Variants in NARS1 observed in about 807,000 individuals in gnomAD.
NARS1 encodes the protein asparagine--tRNA ligase, cytoplasmic.
Under a neutral mutation model 79.2 loss-of-function variants are expected in NARS1, and 65 were observed. That is an observed-to-expected ratio of 0.82 (90% confidence interval 0.67 to 1.01). NARS1 has a LOEUF of 1.01. NARS1 is among the 50% of genes least tolerant of loss of function. The pLI is 0.00. For synonymous variants in NARS1, 229 were observed against 238.8 expected (o/e 0.96, Z 0.38); for missense variants, 649 against 673.8 (o/e 0.96, Z 0.41).
chr18:57,617,071 A>G (rs1411277638), intron 2 of NARS1, among the ~76,000 whole-genome samples: 2 of 151,912 alleles, frequency 1.3e-5, no homozygotes, highest in South Asian at 2.1e-4. Context: ...GCTGTGTTAT[A>G]TATCATTTGA....
chr18:57,604,991 CCTT>C (rs922095910), intron 11 of NARS1, among the ~76,000 whole-genome samples: 4 of 152,138 alleles, frequency 2.6e-5, no homozygotes, highest in African/African-American at 9.6e-5. Flanking sequence ...TTCTCCAAGA[CCTT>C]CTCTCTTGGT....
Position 57,611,288 on chromosome 18 carries a change from A to G in NARS1, c.492+349T>C, listed in dbSNP as rs372217981. 3.4e-4 allele frequency among the ~76,000 whole-genome samples: 51 copies of G among 152,230 alleles called. 1 individual carries two copies. In the East Asian group the frequency reaches 9.1e-3, roughly 27 times the overall value. The stretch of plus-strand genomic sequence containing the variant: ...GCCACATTATTTTTCTTAGAGATGC[A>G]TAAGCATGTGTAATTAAATAAAATG... On this transcript the variant is annotated intron_variant, in intron 6 of 13. Transcript: ENST00000256854.
chr18:57,621,774 T>G lies in NARS1; in HGVS notation c.-57A>C. The G allele has an allele frequency of 3.7e-6, 6 of 1,613,064 alleles. No individual in the cohort carries two copies. The South Asian group carries it at 5.5e-5, about 15-fold the overall frequency. On this transcript the variant is annotated 5_prime_UTR_variant, in exon 1 of 14. An upstream open reading frame in the 5' UTR loses its in-frame stop. Coordinates refer to ENST00000256854, the MANE Select transcript of NARS1 (RefSeq NM_004539.4). Reference sequence around the variant, plus strand: ...ACAGACTGCAACACCGACGCCGTCTTATGACTCCAACGTGCACCGGCGGTT... The same window carrying G: ...ACAGACTGCAACACCGACGCCGTCTGATGACTCCAACGTGCACCGGCGGTT...
Position 57,621,800 on chromosome 18 carries a change from T to C in NARS1, c.-83A>G. 1 of 1,601,204 alleles carries C rather than the reference T, an allele frequency of 6.2e-7. No individual in the cohort carries two copies. Among genetic ancestry groups the C allele is most frequent in the African/African-American group, 1.3e-5 (1 of 74,542 alleles). ...ATGACTCCAACGTGCACCGGCGGTT[T>C]CCGCGATTCCGGCGTTGCATCAGAG... On this transcript the variant is annotated 5_prime_UTR_variant, in exon 1 of 14. Transcript: ENST00000256854.
In NARS1 at chr18:57,621,795, C is replaced by A; in HGVS notation, c.-78G>T. On this transcript the variant is annotated 5_prime_UTR_variant, in exon 1 of 14. Coordinates refer to ENST00000256854, the MANE Select transcript of NARS1 (RefSeq NM_004539.4). ...GTCTTATGACTCCAACGTGCACCGG[C>A]GGTTTCCGCGATTCCGGCGTTGCAT... is the stretch of plus-strand genomic sequence containing the variant. The A allele has an allele frequency of 6.2e-7, 1 of 1,607,928 alleles. No individual in the cohort carries two copies. Among genetic ancestry groups the A allele is most frequent in the African/African-American group, 1.3e-5 (1 of 74,692 alleles).
At chr18:57,621,622 G>T in intron 1 of NARS1, 86 bp downstream of exon 1, 2 of 1,161,344 alleles carry the variant, frequency 1.7e-6, no homozygotes, top group Non-Finnish European at 2.6e-6. Context: ...ACTCTGGTAG[G>T]CACTAAGGAA....
chr18:57,615,790 G>A (rs372642450), intron 3 of NARS1, 27 bp downstream of exon 3: 7 of 1,610,438 alleles, frequency 4.3e-6, no homozygotes, highest in Admixed American at 1.7e-5. Context: ...CTTTAACAAC[G>A]TTCACGATGG....
intron 1 of NARS1, 128 bp downstream of exon 1, chr18:57,621,580 G>A: frequency 2.5e-6 from 1 of 404,064 alleles, no homozygotes. Flanking sequence ...CTCCCTCCCT[G>A]CAATCGGTCC....
At chr18:57,619,596 G>A (rs1410136185) in intron 2 of NARS1, among the ~76,000 whole-genome samples, 1 of 152,108 alleles carries the variant, frequency 6.6e-6, no homozygotes, top group Non-Finnish European at 1.5e-5. Flanking sequence ...TCTAGCATAT[G>A]AGTTCAACAG....
At chr18:57,606,089 C>T in intron 10 of NARS1, 119 bp from the exon 11 acceptor site, 1 of 602,330 alleles carries the variant, frequency 1.7e-6, no homozygotes, top group Non-Finnish European at 2.7e-6. Flanking sequence ...TGGCTCATGC[C>T]TGTAATCCCA....
At chr18:57,619,900 C>A (rs371205031) in intron 2 of NARS1, among the ~76,000 whole-genome samples, 1 of 152,112 alleles carries the variant, frequency 6.6e-6, no homozygotes, top group African/African-American at 2.4e-5. Flanking sequence ...GTTGCCCAAG[C>A]TGGTCTCAAA....
rs1908012802 is a variant in NARS1 at position 57,615,977 on chromosome 18, T to C, written c.94-2A>G. The C allele has an allele frequency of 6.3e-7, 1 of 1,596,344 alleles. No individual in the cohort carries two copies. Among genetic ancestry groups the C allele is most frequent in the Non-Finnish European group, 8.5e-7 (1 of 1,173,896 alleles). On this transcript the variant is annotated splice_acceptor_variant, in intron 2 of 13. Coordinates refer to ENST00000256854, the MANE Select transcript of NARS1 (RefSeq NM_004539.4). LOFTEE classifies it high-confidence loss of function. Reference sequence around the variant, plus strand: ...TTCTTTCCCTACTGTCATCAAAGCCTTGGGTAGGGAGGAGAGAAAAGACAG... The same window carrying C: ...TTCTTTCCCTACTGTCATCAAAGCCCTGGGTAGGGAGGAGAGAAAAGACAG...
intron 2 of NARS1, among the ~76,000 whole-genome samples, chr18:57,619,219 C>T (rs888062845): frequency 6.0e-5 from 9 of 150,346 alleles, no homozygotes; most frequent in Admixed American, 4.0e-4. Context: ...CTCAGTCTCC[C>T]GAGTAGCTGG....
intron 5 of NARS1, 124 bp downstream of exon 5, chr18:57,613,478 G>T: frequency 1.3e-6 from 1 of 794,694 alleles, no homozygotes; most frequent in Non-Finnish European, 2.0e-6. Context: ...GGGCAACAAA[G>T]TGAGACTGTG....
At chr18:57,621,520 G>A (rs929804616) in intron 1 of NARS1, among the ~76,000 whole-genome samples, 188 bp downstream of exon 1, 3 of 152,300 alleles carry the variant, frequency 2.0e-5, no homozygotes, top group South Asian at 4.1e-4. Context: ...GGGGAAGCCC[G>A]GCCTGGCCCT....
chr18:57,609,429 A>C lies in NARS1; in HGVS notation c.507T>G (p.Asn169Lys), dbSNP rs1264618988. ...VLADELCQCY[N>K]GVLLSTESSV... ...TGCTCTCCGTGGACAAGAGAACTCC[A>C]TTGTAGCACTGACACTATAAAAAGG... Residue 169 changes from asparagine to lysine, a missense_variant, in exon 7 of 14, where the codon AAT becomes AAG. Physicochemically the swap from Asn to Lys is moderately conservative, Grantham distance 94. Coordinates refer to ENST00000256854, the MANE Select transcript of NARS1 (RefSeq NM_004539.4). 1 of 1,613,674 alleles carries C rather than the reference A, an allele frequency of 6.2e-7. No homozygotes were observed.
At chr18:57,618,820 T>C (rs1357673063) in intron 2 of NARS1, among the ~76,000 whole-genome samples, 2 of 152,160 alleles carry the variant, frequency 1.3e-5, no homozygotes, top group Non-Finnish European at 2.9e-5. Context: ...GAGGATCCCT[T>C]AAGCCCAGGA....
intron 1 of NARS1, 62 bp downstream of exon 1, chr18:57,621,646 G>A (rs1908308909): frequency 1.5e-6 from 2 of 1,349,306 alleles, no homozygotes; most frequent in Non-Finnish European, 2.0e-6. Flanking sequence ...GCCGAAACCC[G>A]ACTGGAGCAG....
chr18:57,611,572 C>A (rs2122442030), intron 6 of NARS1, 65 bp downstream of exon 6: 3 of 1,091,108 alleles, frequency 2.7e-6, no homozygotes, highest in East Asian at 2.7e-5. Flanking sequence ...TAAATGTATA[C>A]AAAACAATAA....
Sources: gnomAD v4.1 joint callset for allele counts (sites outside exome capture counted in the v4.1 genomes callset) on GRCh38, gnomAD v4.1.1 for gene constraint, MANE v1.5 for transcripts, NCBI Gene and HGNC (gene_info 2026-07-23, HGNC 2026-07-21) for gene names.